LARGE1: variants seen among roughly 807,000 people sequenced by gnomAD.
The protein encoded by LARGE1 is LARGE xylosyl- and glucuronyltransferase 1, also known as xylosyl- and glucuronyltransferase LARGE1.
In LARGE1, 43 loss-of-function variants were observed where a neutral mutation model predicts 87.6. The ratio of observed to expected loss-of-function variants is 0.49; its 90% CI spans 0.38 to 0.63. The LOEUF (loss-of-function observed/expected upper bound fraction) is 0.63. Among genes scored for constraint, LARGE1 ranks in the 30% least tolerant of loss-of-function variants. The probability of loss-of-function intolerance (pLI) is 0.00; values close to 1 mark genes in which losing one functional copy is unlikely to be tolerated. For synonymous variants in LARGE1, 434 were observed against 394.6 expected (o/e 1.10, Z -1.18); for missense variants, 802 against 1,000.2 (o/e 0.80, Z 2.67).
At chr22:33,913,902 T>C (rs1046940674) in intron 1 of LARGE1, among the ~76,000 whole-genome samples, 1 of 152,190 alleles carries the variant, frequency 6.6e-6, no homozygotes, top group South Asian at 2.1e-4. Context: ...TCTATCATGA[T>C]TGTGTTCATC....
At chr22:33,399,742 G>A (rs1206600817) in intron 7 of LARGE1, among the ~76,000 whole-genome samples, 1 of 152,136 alleles carries the variant, frequency 6.6e-6, no homozygotes. Context: ...TAGAGATGGG[G>A]TTTCATCATG....
At chr22:33,653,107 C>T (rs112744983) in intron 2 of LARGE1, among the ~76,000 whole-genome samples, 153 of 152,312 alleles carry the variant, frequency 1.0e-3, no homozygotes, top group African/African-American at 3.5e-3. Flanking sequence ...TCTCAACCAA[C>T]ATCGACCCTT....
intron 6 of LARGE1, among the ~76,000 whole-genome samples, chr22:33,472,581 C>T (rs1426767932): frequency 6.6e-6 from 1 of 152,124 alleles, no homozygotes; most frequent in Non-Finnish European, 1.5e-5. Context: ...CTGCACTCTA[C>T]AGGGAAATTC....
chr22:33,160,024 G>A (rs1398974659), downstream of LARGE1, among the ~76,000 whole-genome samples: 1 of 151,738 alleles, frequency 6.6e-6, no homozygotes, highest in Non-Finnish European at 1.5e-5. Context: ...TCAATTACTT[G>A]AGGGACTTGA....
intron 5 of LARGE1, among the ~76,000 whole-genome samples, chr22:33,576,668 CTCTA>C (rs1344659887): frequency 6.6e-6 from 1 of 152,148 alleles, no homozygotes; most frequent in African/African-American, 2.4e-5. Flanking sequence ...TACATACCCT[CTCTA>C]TCTGTGGAGG....
chr22:33,343,969 T>C (rs965861431), intron 9 of LARGE1, among the ~76,000 whole-genome samples: 1 of 152,178 alleles, frequency 6.6e-6, no homozygotes. Context: ...AGTCTGATGT[T>C]TGAGGGCAGG....
chr22:33,405,411 A>G (rs2066062445), intron 7 of LARGE1, among the ~76,000 whole-genome samples: 1 of 152,180 alleles, frequency 6.6e-6, no homozygotes, highest in African/African-American at 2.4e-5. Flanking sequence ...TGGCTTCAGG[A>G]CACGCTTCAG....
intron 6 of LARGE1, among the ~76,000 whole-genome samples, chr22:33,469,311 GA>G (rs2148085986): frequency 6.6e-6 from 1 of 152,258 alleles, no homozygotes; most frequent in East Asian, 1.9e-4. Flanking sequence ...ACTGAAAAAA[GA>G]AAATATTGTA....
At chr22:33,298,512 T>C (rs1489822142) in intron 12 of LARGE1, among the ~76,000 whole-genome samples, 1 of 152,130 alleles carries the variant, frequency 6.6e-6, no homozygotes, top group African/African-American at 2.4e-5. Context: ...CAAGGTCAAA[T>C]AAATTCTAAA....
intron 1 of LARGE1, among the ~76,000 whole-genome samples, chr22:33,898,478 G>A (rs148997143): frequency 2.6e-5 from 4 of 152,366 alleles, no homozygotes; most frequent in Non-Finnish European, 5.9e-5. Context: ...GACTGGCCGA[G>A]CACAGTGGCT....
chr22:33,833,933 C>G (rs200517189), intron 1 of LARGE1, among the ~76,000 whole-genome samples: 64 of 152,246 alleles, frequency 4.2e-4, no homozygotes, highest in African/African-American at 1.5e-3. Context: ...GTTATCCACC[C>G]ATCTCAGCCT....
intron 11 of LARGE1, among the ~76,000 whole-genome samples, chr22:33,262,178 C>T (rs941595922): frequency 6.6e-6 from 1 of 152,202 alleles, no homozygotes; most frequent in Non-Finnish European, 1.5e-5. Flanking sequence ...ACTGGCTTCA[C>T]CGTCACCCGG....
intron 7 of LARGE1, among the ~76,000 whole-genome samples, chr22:33,404,912 C>A (rs770011658): frequency 2.6e-5 from 4 of 152,094 alleles, no homozygotes; most frequent in Non-Finnish European, 5.9e-5. Flanking sequence ...GAAAGCTATA[C>A]CTGAGCAATT....
chr22:33,886,666 AAAAAAAAAG>A (rs1188049567), intron 1 of LARGE1, among the ~76,000 whole-genome samples: 14 of 149,110 alleles, frequency 9.4e-5, no homozygotes, highest in Non-Finnish European at 1.8e-4. Flanking sequence ...CAAAAAAAAA[AAAAAAAAAG>A]AAAAAAAAAG....
intron 11 of LARGE1, 148 bp downstream of exon 11, chr22:33,315,937 A>G (rs772718394): frequency 9.2e-5 from 87 of 950,068 alleles, no homozygotes; most frequent in Non-Finnish European, 1.4e-4. Flanking sequence ...CCAGGCTTCA[A>G]TATTCTAAGC....
rs575908986 is a variant in LARGE1 at position 33,503,871 on chromosome 22, C to G, written c.787+60977G>C. On this transcript the variant is annotated intron_variant, in intron 6 of 14. Transcript: ENST00000397394. Reference sequence around the variant, plus strand: ...AACAAAAACCATGAGAACAACCTACCTAAATGTCAGTCGAACCGATGAATG... The same window carrying G: ...AACAAAAACCATGAGAACAACCTACGTAAATGTCAGTCGAACCGATGAATG... Among the ~76,000 whole-genome samples the G allele has an allele frequency of 1.3e-4, 20 of 152,180 alleles. No individual in the cohort carries two copies. The East Asian group carries it at 3.5e-3, about 26-fold the overall frequency.
At chr22:33,803,788 A>G (rs1347181630) in intron 1 of LARGE1, among the ~76,000 whole-genome samples, 1 of 152,238 alleles carries the variant, frequency 6.6e-6, no homozygotes, top group Non-Finnish European at 1.5e-5. Flanking sequence ...TTCCGTGCCT[A>G]GGGTTTTCAC....
chr22:33,130,820 C>G, the LARGE1 span, among the ~76,000 whole-genome samples: 1 of 151,822 alleles, frequency 6.6e-6, no homozygotes, highest in South Asian at 2.1e-4. Flanking sequence ...CCGAGGCAGG[C>G]AGATTACGAG....
chr22:33,912,345 T>C (rs1158583085), intron 1 of LARGE1, among the ~76,000 whole-genome samples: 1 of 152,104 alleles, frequency 6.6e-6, no homozygotes, highest in East Asian at 1.9e-4. Flanking sequence ...GAGCCCAAGA[T>C]TCCCTTCTGA....
Sources: gnomAD v4.1 joint callset for allele counts (sites outside exome capture counted in the v4.1 genomes callset) on GRCh38, gnomAD v4.1.1 for gene constraint, MANE v1.5 for transcripts, NCBI Gene and HGNC (gene_info 2026-07-23, HGNC 2026-07-21) for gene names.